The following PALS2 variants were observed in gnomAD, a reference collection of about 807,000 sequenced individuals.
PALS2 encodes the protein protein PALS2.
PALS2 carries 27 observed loss-of-function variants against 61.6 expected under a neutral mutation model. That is an observed-to-expected ratio of 0.44 (90% CI 0.32 to 0.60). The LOEUF (loss-of-function observed/expected upper bound fraction) is 0.60. Among genes scored for constraint, PALS2 ranks in the 20% least tolerant of loss-of-function variants. The pLI, the probability that PALS2 is intolerant of heterozygous loss-of-function variation, is 0.05. For synonymous variants in PALS2, 236 were observed against 218.6 expected, an observed-to-expected ratio of 1.08 and a Z score of -0.70; for missense variants, 554 against 639.4, an observed-to-expected ratio of 0.87 and a Z score of 1.44.
chr7:24,621,016 T>C (rs1784480676), intron 1 of PALS2, among the ~76,000 whole-genome samples: 1 of 152,176 alleles, frequency 6.6e-6, no homozygotes, highest in Non-Finnish European at 1.5e-5. Context: ...TAATGGGAAG[T>C]ACTGCTAACC....
chr7:24,607,633 A>C (rs1156829969), intron 1 of PALS2, among the ~76,000 whole-genome samples: 1 of 150,234 alleles, frequency 6.7e-6, no homozygotes. Flanking sequence ...GTATATATAC[A>C]TATATGTATG....
chr7:24,648,886 C>CA, intron 3 of PALS2, among the ~76,000 whole-genome samples: 2 of 139,078 alleles, frequency 1.4e-5, no homozygotes, highest in Non-Finnish European at 1.5e-5. Flanking sequence ...GCCTAGGTGA[C>CA]AGAGTGAGAC....
Position 24,665,502 on chromosome 7 carries a change from TTGAC to T in PALS2, c.784-81_784-78del, listed in dbSNP as rs1786967111. 8.2e-6 allele frequency: 10 copies of T among 1,215,084 alleles called. No homozygotes were observed. The East Asian group carries it at 2.1e-4, about 26-fold the overall frequency. The allele number at this position is 1,215,084 out of a possible 1,614,324, so 75.3% of individuals were successfully genotyped here. A position where few individuals can be genotyped will look rare whatever the true frequency, so the allele number is the denominator to read the frequency against. On this transcript the variant is annotated intron_variant, in intron 6 of 11. Transcript: ENST00000222644. ...GTTTTTAAGAGCAAATGTGACTTTT[TTGAC>T]TGACCACTGCTTGTCTTACTTAATA...
In PALS2 at chr7:24,650,651, T is replaced by G; in HGVS notation, c.590T>G (p.Ile197Ser). Reference sequence around the variant, plus strand: ...GAATTACAAGAATTACTGAAAAATATTAGTGGAAGTGTCACCCTAAAAATC... The same window carrying G: ...GAATTACAAGAATTACTGAAAAATAGTAGTGGAAGTGTCACCCTAAAAATC... Reference protein sequence around the residue: ...PKELQELLKNISGSVTLKILP... With the variant: ...PKELQELLKNSSGSVTLKILP... Residue 197 changes from isoleucine to serine, a missense_variant, in exon 5 of 12, where the codon ATT (isoleucine) becomes AGT (serine). Transcript: ENST00000222644. 1 of 1,612,034 alleles carries G rather than the reference T, an allele frequency of 6.2e-7. No homozygotes were observed. Among genetic ancestry groups the G allele is most frequent in the Non-Finnish European group, 8.5e-7 (1 of 1,178,380 alleles).
At chr7:24,645,555 C>T (rs1357956617) in intron 3 of PALS2, among the ~76,000 whole-genome samples, 1 of 152,112 alleles carries the variant, frequency 6.6e-6, no homozygotes, top group Non-Finnish European at 1.5e-5. Flanking sequence ...TAATGTGATG[C>T]CCCCAGCTTT....
In PALS2 at chr7:24,639,742, T is replaced by C. The variant is rs143994404; in HGVS notation, c.118-1974T>C. 1.5e-3 allele frequency among the ~76,000 whole-genome samples: 228 copies of C among 151,866 alleles called. 1 individual carries two copies. The highest frequency in any genetic ancestry group is 5.3e-3 in the African/African-American group (220 of 41,454). On this transcript the variant is annotated intron_variant, in intron 2 of 11. Coordinates refer to ENST00000222644, the MANE Select transcript of PALS2 (RefSeq NM_001303037.2). Reference sequence around the variant, plus strand: ...GAGTGTCCTCATCTTCTCATCCTTATCTGGCTTGTATTATATGTTCAGAAA... The same window carrying C: ...GAGTGTCCTCATCTTCTCATCCTTACCTGGCTTGTATTATATGTTCAGAAA...
intron 11 of PALS2, among the ~76,000 whole-genome samples, chr7:24,682,931 AC>A (rs1385790035): frequency 1.3e-5 from 2 of 152,152 alleles, no homozygotes; most frequent in Non-Finnish European, 2.9e-5. Context: ...TTGGTCAGAC[AC>A]AGATTCAGGT....
At chr7:24,676,498 T>C (rs1787602752) in intron 9 of PALS2, among the ~76,000 whole-genome samples, 1 of 152,162 alleles carries the variant, frequency 6.6e-6, no homozygotes, top group South Asian at 2.1e-4. Flanking sequence ...CTAGGGTTTT[T>C]ATGGTTTTAG....
rs1788564797 is a variant in PALS2, at chr7:24,693,389, C to G, written c.*5775C>G. On this transcript the variant is annotated 3_prime_UTR_variant, in exon 12 of 12. Coordinates refer to ENST00000222644, the MANE Select transcript of PALS2 (RefSeq NM_001303037.2). ...AGTAGCCTAGGAGCTTGGAGGAAGCCTAATTAACTAAAACAGGAAAAAAGC... is the reference window on the plus strand; with the variant it reads ...AGTAGCCTAGGAGCTTGGAGGAAGCGTAATTAACTAAAACAGGAAAAAAGC... 6.6e-6 allele frequency: 1 copy of G among 152,014 alleles called. No individual in the cohort carries two copies. Among genetic ancestry groups the G allele is most frequent in the Non-Finnish European group, 1.5e-5 (1 of 67,988 alleles). The allele number at this position is 152,014 out of a possible 1,614,324, so 9.4% of individuals were successfully genotyped here.
intron 1 of PALS2, among the ~76,000 whole-genome samples, chr7:24,588,157 T>G (rs1783145073): frequency 6.6e-6 from 1 of 152,174 alleles, no homozygotes; most frequent in Non-Finnish European, 1.5e-5. Flanking sequence ...CCCTGGAATG[T>G]AGAGTAGGCA....
intron 9 of PALS2, among the ~76,000 whole-genome samples, chr7:24,671,681 AG>A: frequency 6.6e-6 from 1 of 152,134 alleles, no homozygotes; most frequent in Non-Finnish European, 1.5e-5. Flanking sequence ...TCTTACATGC[AG>A]ATTATATGAT....
intron 3 of PALS2, among the ~76,000 whole-genome samples, chr7:24,647,944 A>G (rs1413378320): frequency 6.6e-6 from 1 of 152,214 alleles, no homozygotes; most frequent in Admixed American, 6.5e-5. Flanking sequence ...AGAGTTGTCA[A>G]TGCATAAGTA....
intron 2 of PALS2, among the ~76,000 whole-genome samples, chr7:24,627,191 T>G (rs1784786327): frequency 6.6e-6 from 1 of 152,112 alleles, no homozygotes; most frequent in African/African-American, 2.4e-5. Context: ...GCAATCAAAT[T>G]AGAACTCAGG....
rs764254148 is a variant in PALS2 at position 24,641,697 on chromosome 7, T to C, written c.118-19T>C. The C allele has an allele frequency of 1.3e-6, 2 of 1,568,898 alleles. No homozygotes were observed. The highest frequency in any genetic ancestry group is 2.8e-5 in the African/African-American group (2 of 72,718). On this transcript the variant is annotated intron_variant, in intron 2 of 11. Transcript: ENST00000222644. ...TAACAAATAAGTATTACTACTTTAA[T>C]ATACTCTTATTTTTTCAGGCTCATG...
At chr7:24,630,361 C>T (rs2128062266) in intron 2 of PALS2, among the ~76,000 whole-genome samples, 1 of 152,098 alleles carries the variant, frequency 6.6e-6, no homozygotes, top group Middle Eastern at 3.4e-3. Context: ...GGGGGGATAG[C>T]ATTAGGAGAA....
intron 11 of PALS2, among the ~76,000 whole-genome samples, chr7:24,683,043 T>G (rs1788014759): frequency 6.6e-6 from 1 of 152,220 alleles, no homozygotes; most frequent in African/African-American, 2.4e-5. Context: ...TGTCATAAGA[T>G]TAATCAGTGG....
intron 1 of PALS2, among the ~76,000 whole-genome samples, chr7:24,586,478 A>T (rs1783069159): frequency 6.6e-6 from 1 of 152,216 alleles, no homozygotes; most frequent in South Asian, 2.1e-4. Flanking sequence ...TAGTCCTTAG[A>T]TGGGATGAGT....
At chr7:24,660,265 T>C (rs942843463) in intron 5 of PALS2, among the ~76,000 whole-genome samples, 5 of 103,246 alleles carry the variant, frequency 4.8e-5, no homozygotes, top group African/African-American at 3.5e-4. Flanking sequence ...AATCAAAAAA[T>C]GTAATATGTA....
chr7:24,643,316 A>T (rs537097873), intron 3 of PALS2, among the ~76,000 whole-genome samples: 2 of 152,178 alleles, frequency 1.3e-5, no homozygotes, highest in African/African-American at 4.8e-5. Flanking sequence ...GAAGTGTAGC[A>T]TATAAAAATT....
Sources: gnomAD v4.1 joint callset for allele counts (sites outside exome capture counted in the v4.1 genomes callset) on GRCh38, gnomAD v4.1.1 for gene constraint, MANE v1.5 for transcripts, NCBI Gene and HGNC (gene_info 2026-07-23, HGNC 2026-07-21) for gene names.